The following TEAD4 variants were observed in gnomAD, a reference collection of about 807,000 sequenced individuals.
TEAD4 encodes transcriptional enhancer factor TEF-3.
TEAD4 carries 36 observed loss-of-function variants against 52.4 expected under a neutral mutation model. The observed-to-expected ratio is 0.69, with a 90% CI of 0.53 to 0.91. TEAD4 has a LOEUF of 0.91. Ranked by LOEUF, TEAD4 falls within the 40% of genes least tolerant of loss-of-function variation. The pLI is 0.00. For synonymous variants in TEAD4, 220 were observed against 231.0 expected (o/e 0.95, Z 0.43); for missense variants, 508 against 583.9 (o/e 0.87, Z 1.34).
In TEAD4 at chr12:3,010,988, GC is replaced by G. The variant is rs766679858; in HGVS notation, c.227-15del. The G allele has an allele frequency of 6.2e-6, 10 of 1,613,938 alleles. No individual in the cohort carries two copies. The East Asian group carries it at 2.2e-4, about 36-fold the overall frequency. On this transcript the variant is annotated splice_polypyrimidine_tract_variant and intron_variant, in intron 3 of 12. Coordinates refer to ENST00000359864, the MANE Select transcript of TEAD4 (RefSeq NM_003213.4). Reference sequence around the variant, plus strand: ...TTGTCCTTCTCTCCACTGAGAGGCTGCTGGTGTCTCTGCAGGTCGGAACGAG... The same window carrying G: ...TTGTCCTTCTCTCCACTGAGAGGCTGTGGTGTCTCTGCAGGTCGGAACGAG...
intron 2 of TEAD4, among the ~76,000 whole-genome samples, chr12:2,990,757 C>T (rs1024242909): frequency 6.6e-6 from 1 of 152,060 alleles, no homozygotes; most frequent in Admixed American, 6.6e-5. Flanking sequence ...TGAGCCACTT[C>T]GCCTGGCCCA....
intron 3 of TEAD4, 115 bp downstream of exon 3, chr12:2,995,107 G>A: frequency 7.6e-7 from 1 of 1,318,138 alleles, no homozygotes; most frequent in Non-Finnish European, 1.0e-6. Context: ...GGCTTTGTCG[G>A]GTGGACACTG....
At position 3,038,018 on chromosome 12, in the gene TEAD4, C is replaced by T; in HGVS notation, c.948C>T (p.Val316=). The T allele has an allele frequency of 6.2e-7, 1 of 1,614,190 alleles. No homozygotes were observed. Among genetic ancestry groups the T allele is most frequent in the Non-Finnish European group, 8.5e-7 (1 of 1,180,010 alleles). ...ATGAAGGCAGCTCCTTCTATGGGGT[C>T]TCCAGCCAGTATGAGAGCCCCGAGA... The change falls in exon 11 of 13, where the codon GTC becomes GTT. Residue 316 remains valine, a synonymous_variant. Transcript: ENST00000359864.
intron 3 of TEAD4, among the ~76,000 whole-genome samples, chr12:3,002,000 G>A (rs993139059): frequency 9.9e-5 from 15 of 152,122 alleles, no homozygotes; most frequent in Middle Eastern, 3.4e-3. Flanking sequence ...GCTGAGCCAC[G>A]AGAATTGCTT....
intron 5 of TEAD4, among the ~76,000 whole-genome samples, chr12:3,015,129 G>A (rs1427928927): frequency 5.9e-5 from 9 of 152,180 alleles, no homozygotes; most frequent in African/African-American, 1.9e-4. Context: ...GCCAAGGGGG[G>A]CCAGGGACAA....
intron 5 of TEAD4, 59 bp from the exon 6 acceptor site, chr12:3,017,339 C>T: frequency 6.2e-7 from 1 of 1,610,136 alleles, no homozygotes; most frequent in Non-Finnish European, 8.5e-7. Context: ...GCCGGACCTG[C>T]CTGGCCTCAG....
At chr12:2,975,167 C>T (rs577206409) in intron 2 of TEAD4, among the ~76,000 whole-genome samples, 1 of 69,632 alleles carries the variant, frequency 1.4e-5, no homozygotes, top group Non-Finnish European at 3.4e-5. Flanking sequence ...GTCTCTCAAC[C>T]CTTAAAACAA....
chr12:3,016,799 G>A (rs2098264858), intron 5 of TEAD4, among the ~76,000 whole-genome samples: 1 of 152,164 alleles, frequency 6.6e-6, no homozygotes, highest in South Asian at 2.1e-4. Context: ...GTGCTTATTT[G>A]TTCCGGGCCT....
chr12:3,008,253 C>A (rs1423940815), intron 3 of TEAD4, among the ~76,000 whole-genome samples: 1 of 152,046 alleles, frequency 6.6e-6, no homozygotes, highest in Non-Finnish European at 1.5e-5. Flanking sequence ...ACAGTGGCAC[C>A]CAAGGGGTGC....
At chr12:2,983,335 G>A (rs1469463532) in intron 2 of TEAD4, among the ~76,000 whole-genome samples, 1 of 152,166 alleles carries the variant, frequency 6.6e-6, no homozygotes, top group Non-Finnish European at 1.5e-5. Flanking sequence ...CTGCGGGACA[G>A]CCTTCCGGGA....
chr12:3,033,623 C>T (rs2098277333), intron 10 of TEAD4, among the ~76,000 whole-genome samples: 1 of 152,196 alleles, frequency 6.6e-6, no homozygotes, highest in Non-Finnish European at 1.5e-5. Flanking sequence ...TGAATCTGAG[C>T]CCCTCCAGGC....
At chr12:2,969,407 G>A (rs1184908254) in intron 2 of TEAD4, among the ~76,000 whole-genome samples, 1 of 152,182 alleles carries the variant, frequency 6.6e-6, no homozygotes, top group Non-Finnish European at 1.5e-5. Flanking sequence ...TATCCTTAGA[G>A]GCCTTGGAAC....
rs138311927 is a variant in TEAD4, at chr12:3,012,223, C to T, written c.345C>T (p.Ala115=). 53 of 1,613,968 alleles carry T rather than the reference C, an allele frequency of 3.3e-5. No homozygotes were observed. The African/African-American group carries it at 6.7e-4, about 20-fold the overall frequency. ...GTCGCAAAGCTCGCGAGATCCAGGC[C>T]AAGCTAAAGGTAAGGAAACTGCAGT... The change falls in exon 5 of 13, where the codon GCC becomes GCT. Residue 115 remains alanine, a synonymous_variant. Coordinates refer to ENST00000359864, the MANE Select transcript of TEAD4 (RefSeq NM_003213.4).
At chr12:2,965,855 T>A (rs1022475062) in intron 2 of TEAD4, among the ~76,000 whole-genome samples, 6 of 152,164 alleles carry the variant, frequency 3.9e-5, no homozygotes, top group South Asian at 2.1e-4. Context: ...TAAATTTTTT[T>A]AAATTATCAT....
In TEAD4 at chr12:3,017,385, A is replaced by T; in HGVS notation, c.355-13A>T. ...GACCCTGCTGAGGTCCTCCCTTGCA[A>T]TGTCTCCCCCAGGACCAGGCAGCTA... is the stretch of plus-strand genomic sequence containing the variant. On this transcript the variant is annotated splice_polypyrimidine_tract_variant and intron_variant, in intron 5 of 12. Coordinates refer to ENST00000359864, the MANE Select transcript of TEAD4 (RefSeq NM_003213.4). The T allele has an allele frequency of 1.9e-6, 3 of 1,613,934 alleles. No homozygotes were observed. The African/African-American group carries it at 4.0e-5, about 22-fold the overall frequency.
intron 2 of TEAD4, among the ~76,000 whole-genome samples, chr12:2,974,732 C>G (rs952441898): frequency 6.6e-6 from 1 of 152,144 alleles, no homozygotes; most frequent in African/African-American, 2.4e-5. Flanking sequence ...GGGCGTGCAC[C>G]GAGGCCCCAC....
chr12:2,981,143 G>A (rs369951099), intron 2 of TEAD4, among the ~76,000 whole-genome samples: 9 of 152,316 alleles, frequency 5.9e-5, no homozygotes, highest in South Asian at 4.1e-4. Context: ...GTAGTAAAAC[G>A]TGTGTCCCTC....
At chr12:3,018,716 G>A in intron 7 of TEAD4, 128 bp downstream of exon 7, 5 of 1,153,332 alleles carry the variant, frequency 4.3e-6, no homozygotes, top group East Asian at 2.4e-5. Flanking sequence ...TTTCAGGATG[G>A]CTCTGAGCTC....
chr12:2,973,716 C>T (rs2098227115), intron 2 of TEAD4, among the ~76,000 whole-genome samples: 1 of 152,220 alleles, frequency 6.6e-6, no homozygotes. Context: ...CGGGCTGCAC[C>T]TGGTCTGCAG....
Sources: gnomAD v4.1 joint callset for allele counts (sites outside exome capture counted in the v4.1 genomes callset) on GRCh38, gnomAD v4.1.1 for gene constraint, MANE v1.5 for transcripts, NCBI Gene and HGNC (gene_info 2026-07-23, HGNC 2026-07-21) for gene names.